The following SLC4A4 variants were observed in gnomAD, a reference collection of about 807,000 sequenced individuals.
SLC4A4 encodes solute carrier family 4 member 4, also known as electrogenic sodium bicarbonate cotransporter 1.
SLC4A4 carries 27 observed loss-of-function variants against 111.5 expected under a neutral mutation model. The observed-to-expected ratio is 0.24, with a 90% CI of 0.18 to 0.33. The LOEUF (loss-of-function observed/expected upper bound fraction) is 0.33, where lower values mean the gene tolerates loss of function less well. Ranked by LOEUF, SLC4A4 falls within the 10% of genes least tolerant of loss-of-function variation. The pLI is 1.00. For missense variants in SLC4A4, 909 were observed against 1,315.5 expected (o/e 0.69, Z 4.78); for synonymous variants, 443 against 463.4 (o/e 0.96, Z 0.57).
intron 2 of SLC4A4, among the ~76,000 whole-genome samples, chr4:71,254,908 G>A (rs1301162206): frequency 1.3e-5 from 2 of 152,068 alleles, no homozygotes; most frequent in African/African-American, 4.8e-5. Context: ...ACAACTAATT[G>A]ATGGCAGAGT....
At chr4:71,069,625 T>C (rs546416691) in intron 1 of SLC4A4, among the ~76,000 whole-genome samples, 1 of 152,322 alleles carries the variant, frequency 6.6e-6, no homozygotes, top group South Asian at 2.1e-4. Context: ...TTAGAGATCA[T>C]GGACACCGAA....
intron 3 of SLC4A4, among the ~76,000 whole-genome samples, chr4:71,318,131 A>C: frequency 6.6e-6 from 1 of 152,172 alleles, no homozygotes; most frequent in Admixed American, 6.6e-5. Flanking sequence ...TAGAAGTATA[A>C]GTTTTGGAAG....
At chr4:71,528,402 A>G (rs991258503) in intron 16 of SLC4A4, among the ~76,000 whole-genome samples, 1 of 152,090 alleles carries the variant, frequency 6.6e-6, no homozygotes, top group African/African-American at 2.4e-5. Context: ...AGATTTGACA[A>G]TTTTATATTC....
intron 5 of SLC4A4, among the ~76,000 whole-genome samples, chr4:71,354,313 G>T (rs1292684502): frequency 6.6e-6 from 1 of 152,172 alleles, no homozygotes; most frequent in Admixed American, 6.5e-5. Context: ...GTTGGCAGAT[G>T]TATTGGTCCT....
At chr4:71,316,676 T>G (rs1441815212) in intron 3 of SLC4A4, among the ~76,000 whole-genome samples, 1 of 152,214 alleles carries the variant, frequency 6.6e-6, no homozygotes, top group East Asian at 1.9e-4. Flanking sequence ...AAGCCCTGCA[T>G]GTATTAGCTA....
At chr4:71,393,980 A>T (rs1719553633) in intron 6 of SLC4A4, among the ~76,000 whole-genome samples, 1 of 152,170 alleles carries the variant, frequency 6.6e-6, no homozygotes, top group Non-Finnish European at 1.5e-5. Flanking sequence ...ATGAAACTGG[A>T]TCCTCATCTC....
At chr4:71,155,807 G>T (rs1329926261) in intron 2 of SLC4A4, among the ~76,000 whole-genome samples, 1 of 152,014 alleles carries the variant, frequency 6.6e-6, no homozygotes, top group Non-Finnish European at 1.5e-5. Flanking sequence ...TTTTTTGTAT[G>T]AATTTATCAG....
intron 3 of SLC4A4, among the ~76,000 whole-genome samples, chr4:71,299,915 C>A (rs1578784575): frequency 6.6e-6 from 1 of 152,126 alleles, no homozygotes; most frequent in African/African-American, 2.4e-5. Flanking sequence ...TGCGCACACC[C>A]CATTTTGATT....
intron 14 of SLC4A4, among the ~76,000 whole-genome samples, chr4:71,473,973 G>T (rs1577989755): frequency 6.6e-6 from 1 of 151,816 alleles, no homozygotes; most frequent in East Asian, 1.9e-4. Flanking sequence ...GGCTGAGGCA[G>T]GTGGATTGCT....
chr4:71,314,078 A>T (rs1726448398), intron 3 of SLC4A4, among the ~76,000 whole-genome samples: 1 of 152,162 alleles, frequency 6.6e-6, no homozygotes, highest in African/African-American at 2.4e-5. Context: ...TACAAGAAAA[A>T]AAAACCAACA....
rs1731822339 is a variant in SLC4A4, at chr4:71,371,024, A to G, written c.730+13837A>G. On this transcript the variant is annotated intron_variant, in intron 6 of 25. Coordinates refer to ENST00000264485, the MANE Select transcript of SLC4A4 (RefSeq NM_001098484.3). The stretch of plus-strand genomic sequence containing the variant: ...TATAATCACCTTCCCTAGGGCTTCT[A>G]ATACTTACTGTATCCATTCAGTAAA... 2.6e-5 allele frequency among the ~76,000 whole-genome samples: 4 copies of G among 152,280 alleles called. No individual in the cohort carries two copies. In the South Asian group the frequency reaches 8.3e-4, roughly 32 times the overall value.
chr4:71,236,073 C>A, intron 1 of SLC4A4: 1 of 999,372 alleles, frequency 1.0e-6, no homozygotes, highest in Non-Finnish European at 1.2e-6. Context: ...GTGCACTAGC[C>A]TACCTCCCTG....
chr4:71,344,025 A>G (rs1296844878), intron 4 of SLC4A4, among the ~76,000 whole-genome samples: 3 of 151,874 alleles, frequency 2.0e-5, no homozygotes, highest in South Asian at 4.1e-4. Context: ...CCTTCCCCCA[A>G]TGCTTCCTAT....
intron 1 of SLC4A4, among the ~76,000 whole-genome samples, chr4:71,235,136 A>G (rs1456008957): frequency 2.0e-5 from 3 of 152,206 alleles, no homozygotes; most frequent in African/African-American, 4.8e-5. Context: ...CCAGTTTTAT[A>G]GATGGAAAAA....
chr4:71,236,111 ATGTGTGTG>A, intron 1 of SLC4A4: 1 of 1,016,522 alleles, frequency 9.8e-7, no homozygotes, highest in Non-Finnish European at 1.2e-6. Context: ...GTGGGTGTGC[ATGTGTGTG>A]TGTGTGAGGG....
intron 1 of SLC4A4, among the ~76,000 whole-genome samples, chr4:71,066,068 A>C (rs959905794): frequency 3.9e-5 from 6 of 152,202 alleles, no homozygotes; most frequent in African/African-American, 1.4e-4. Context: ...TAAATGGAAG[A>C]AAAAAGCCCT....
At chr4:71,191,571 A>C (rs1011574166) in intron 1 of SLC4A4, among the ~76,000 whole-genome samples, 1 of 152,216 alleles carries the variant, frequency 6.6e-6, no homozygotes, top group East Asian at 1.9e-4. Flanking sequence ...AAAGCAGATA[A>C]AAGTTTATCC....
intron 2 of SLC4A4, among the ~76,000 whole-genome samples, chr4:71,178,036 C>T (rs974042915): frequency 1.3e-5 from 2 of 152,016 alleles, no homozygotes; most frequent in South Asian, 2.1e-4. Flanking sequence ...CACTCAAAAC[C>T]GCTCAACTAC....
At position 71,532,120 on chromosome 4, in the gene SLC4A4, T is replaced by C. The variant is rs1295572952; in HGVS notation, c.2225T>C (p.Ile742Thr). The change falls in exon 17 of 26, where the codon ATA (isoleucine) becomes ACA (threonine). Residue 742 changes from isoleucine (I) to threonine (T), a missense_variant. Ile to Thr is a moderately conservative substitution (Grantham distance 89, BLOSUM62 -1). This residue lies in a region of SLC4A4 where 264 missense variants were observed against 356.8 expected (regional missense o/e 0.74). Transcript: ENST00000264485. ...IILSILIFCV[I>T]DALVGVDTPK... ...TTGTCCATTCTCATCTTTTGTGTAA[T>C]AGATGCCCTAGTAGGCGTGGACACC... The C allele has an allele frequency of 4.3e-6, 7 of 1,613,190 alleles. No homozygotes were observed. The highest frequency in any genetic ancestry group is 2.7e-5 in the African/African-American group (2 of 74,870).
Sources: gnomAD v4.1 joint callset for allele counts (sites outside exome capture counted in the v4.1 genomes callset) on GRCh38, gnomAD v4.1.1 for gene constraint, gnomAD v4.1.1 regional missense constraint, MANE v1.5 for transcripts, NCBI Gene and HGNC (gene_info 2026-07-23, HGNC 2026-07-21) for gene names.